The following AFG3L2 variants were observed in gnomAD, a reference collection of about 807,000 sequenced individuals.
AFG3L2 encodes AFG3 like matrix AAA peptidase subunit 2.
In AFG3L2, 54 loss-of-function variants were observed where a neutral mutation model predicts 94.5. The observed-to-expected ratio is 0.57, with a 90% CI of 0.46 to 0.72. The LOEUF is 0.72. Among genes scored for constraint, AFG3L2 ranks in the 30% least tolerant of loss-of-function variants. AFG3L2 has a pLI of 0.00. For missense variants in AFG3L2, 754 were observed against 994.9 expected (o/e 0.76, Z 3.26); for synonymous variants, 377 against 365.5 (o/e 1.03, Z -0.36).
At chr18:12,366,496 A>G (rs376204763) in intron 5 of AFG3L2, among the ~76,000 whole-genome samples, 1 of 152,162 alleles carries the variant, frequency 6.6e-6, no homozygotes, top group African/African-American at 2.4e-5. Context: ...TGCTCTGACA[A>G]CACACGCTGA....
chr18:12,333,286 TAATATATAAATATATATTATATATTATA>T (rs1907637788), intron 16 of AFG3L2, among the ~76,000 whole-genome samples: 2 of 130,580 alleles, frequency 1.5e-5, no homozygotes, highest in African/African-American at 2.9e-5. Flanking sequence ...AGATTATATA[TAATATATAAATATATATTATATATTATA>T]AATATATAAT....
chr18:12,343,330 G>A (rs1908014938), intron 14 of AFG3L2: 1 of 152,008 alleles, frequency 6.6e-6, no homozygotes, highest in African/African-American at 2.4e-5. Flanking sequence ...TAGTTCTAGT[G>A]GGTTCTCTGT....
chr18:12,356,847 A>G lies in AFG3L2; in HGVS notation c.1027-16T>C. The G allele has an allele frequency of 3.1e-6, 5 of 1,613,248 alleles. No homozygotes were observed. The highest frequency in any genetic ancestry group is 4.2e-6 in the Non-Finnish European group (5 of 1,179,614). On this transcript the variant is annotated splice_polypyrimidine_tract_variant and intron_variant, in intron 8 of 16. Coordinates refer to ENST00000269143, the MANE Select transcript of AFG3L2 (RefSeq NM_006796.3). ...GAATGGCACCCTTCAGATATGAAAA[A>G]AGAAATTACATTTAATGAGAATTCC... is the stretch of plus-strand genomic sequence containing the variant.
chr18:12,330,691 T>C (rs975074722), intron 16 of AFG3L2, among the ~76,000 whole-genome samples: 2 of 151,226 alleles, frequency 1.3e-5, no homozygotes, highest in African/African-American at 4.9e-5. Flanking sequence ...GGCAGGAGAA[T>C]GGCTTGAACC....
chr18:12,366,227 A>T (rs1908802927), intron 5 of AFG3L2, among the ~76,000 whole-genome samples: 1 of 152,354 alleles, frequency 6.6e-6, no homozygotes, highest in Non-Finnish European at 1.5e-5. Context: ...TCAGAAATGG[A>T]GATCCATTTT....
Position 12,363,790 on chromosome 18 carries a change from CAGG to C in AFG3L2, c.616_618del (p.Pro206del), listed in dbSNP as rs781369737. ...TTAATAAAATGATTTACCCCATCAA[CAGG>C]AGTTTTTCCTGGTGTAAAGGTCACT... On this transcript the variant is annotated inframe_deletion, in exon 6 of 17. Transcript: ENST00000269143. 2.0e-5 allele frequency: 33 copies of C among 1,611,554 alleles called. No individual in the cohort carries two copies. The highest frequency in any genetic ancestry group is 2.4e-5 in the Non-Finnish European group (28 of 1,178,640).
intron 16 of AFG3L2, among the ~76,000 whole-genome samples, chr18:12,336,165 G>A (rs1907735635): frequency 6.6e-6 from 1 of 152,184 alleles, no homozygotes; most frequent in African/African-American, 2.4e-5. Context: ...ACCAAATTAG[G>A]AGGATAAGAG....
chr18:12,352,933 G>A (rs1356891539), intron 10 of AFG3L2, 72 bp downstream of exon 10: 31 of 1,591,950 alleles, frequency 1.9e-5, no homozygotes, highest in Middle Eastern at 2.3e-4. Flanking sequence ...CAGCCTGGAC[G>A]ACAGAGTCAG....
chr18:12,360,457 T>C (rs548286891), intron 6 of AFG3L2, among the ~76,000 whole-genome samples: 1 of 152,350 alleles, frequency 6.6e-6, no homozygotes, highest in South Asian at 2.1e-4. Flanking sequence ...TTACTGGGCA[T>C]GTACTAAGTA....
intron 16 of AFG3L2, 181 bp downstream of exon 16, chr18:12,337,160 C>T: frequency 4.5e-6 from 3 of 660,882 alleles, no homozygotes; most frequent in Admixed American, 2.3e-5. Flanking sequence ...AACTTCTGCT[C>T]ACCACATTGC....
chr18:12,369,456 G>A (rs1283427087), intron 3 of AFG3L2, among the ~76,000 whole-genome samples: 1 of 152,178 alleles, frequency 6.6e-6, no homozygotes, highest in Non-Finnish European at 1.5e-5. Context: ...TCGAGGCCAG[G>A]TGCAGTGGTC....
intron 9 of AFG3L2, 145 bp downstream of exon 9, chr18:12,356,549 A>T: frequency 8.5e-7 from 1 of 1,172,160 alleles, no homozygotes; most frequent in Non-Finnish European, 1.3e-6. Flanking sequence ...CTGAAGTCTT[A>T]GGCCTGGAGG....
intron 13 of AFG3L2, among the ~76,000 whole-genome samples, chr18:12,346,900 T>A (rs1431489699): frequency 3.9e-4 from 17 of 43,698 alleles, no homozygotes; most frequent in African/African-American, 1.5e-3. Flanking sequence ...CAAGACTCCA[T>A]CTCAAAAAAA....
chr18:12,365,871 C>CTTTTTTTTTTTTTTT, intron 5 of AFG3L2, among the ~76,000 whole-genome samples: 1 of 113,836 alleles, frequency 8.8e-6, no homozygotes, highest in Non-Finnish European at 1.7e-5. Context: ...TGCATCAATT[C>CTTTTTTTTTTTTTTT]TTTTTTTTTT....
chr18:12,333,095 AATCTAT>A (rs1568132140), intron 16 of AFG3L2, among the ~76,000 whole-genome samples: 6 of 100,030 alleles, frequency 6.0e-5, no homozygotes, highest in Admixed American at 2.9e-4. Context: ...AATAGATTAT[AATCTAT>A]TATATAACTA....
chr18:12,345,391 A>AGT lies in AFG3L2; in HGVS notation c.1664-1146_1664-1145dup, dbSNP rs142213308. The stretch of plus-strand genomic sequence containing the variant: ...AAACAAATCATCACACAGTGGCAAA[A>AGT]GTAGTTTTGCCATGTTCATGGTAAT... On this transcript the variant is annotated intron_variant, in intron 13 of 16. Transcript: ENST00000269143. 1.9e-3 allele frequency among the ~76,000 whole-genome samples: 292 copies of AGT among 152,370 alleles called. 6 individuals are homozygous for AGT. In the East Asian group the frequency reaches 0.051, roughly 26 times the overall value.
intron 14 of AFG3L2, chr18:12,342,110 C>A (rs12604732): frequency 0.67 from 101,827 of 152,100 alleles, 35,686 homozygotes; most frequent in Non-Finnish European, 0.78. Context: ...AAGTGATCCG[C>A]CTGCCTCGGC....
At chr18:12,352,967 A>G (rs1487171441) in intron 10 of AFG3L2, 38 bp downstream of exon 10, 6 of 1,611,190 alleles carry the variant, frequency 3.7e-6, no homozygotes, top group South Asian at 1.1e-5. Context: ...AAAAAAAACA[A>G]AAGTGCAGTT....
At chr18:12,363,892 C>T (rs772309923) in intron 5 of AFG3L2, 36 bp from the exon 6 acceptor site, 1 of 1,448,350 alleles carries the variant, frequency 6.9e-7, no homozygotes, top group Non-Finnish European at 9.7e-7. Context: ...CATAAATTCA[C>T]AGAAAATACT....
Sources: allele counts gnomAD v4.1 joint callset (sites outside exome capture counted in the v4.1 genomes callset), GRCh38; gene constraint gnomAD v4.1.1; transcripts MANE v1.5; gene names NCBI Gene and HGNC (gene_info 2026-07-23, HGNC 2026-07-21).